BCAS3: variants seen among roughly 807,000 people sequenced by gnomAD.
BCAS3 encodes the protein BCAS4/BCAS3 fusion.
Under a neutral mutation model 116.1 loss-of-function variants are expected in BCAS3, and 53 were observed. The observed-to-expected ratio is 0.46, with a 90% confidence interval of 0.37 to 0.57. The LOEUF is 0.57. BCAS3 is among the 20% of genes least tolerant of loss of function. The pLI, the probability that BCAS3 is intolerant of heterozygous loss-of-function variation, is 0.00. For synonymous variants in BCAS3, 391 were observed against 408.2 expected, an observed-to-expected ratio of 0.96 and a Z score of 0.51; for missense variants, 917 against 1,165.4, an observed-to-expected ratio of 0.79 and a Z score of 3.10.
chr17:61,227,052 G>C lies in BCAS3; in HGVS notation c.2426-141275G>C, dbSNP rs1170540989. Among the ~76,000 whole-genome samples, 2 of 152,184 alleles carry C rather than the reference G, an allele frequency of 1.3e-5. No individual in the cohort carries two copies. The highest frequency in any genetic ancestry group is 4.8e-5 in the African/African-American group (2 of 41,454). ...GTTCCAGGTTGGGGTGTATGAGGTGGTTAACTGTGTGCAACGCCCCTTTCC... is the reference window on the plus strand; with the variant it reads ...GTTCCAGGTTGGGGTGTATGAGGTGCTTAACTGTGTGCAACGCCCCTTTCC... On this transcript the variant is annotated intron_variant, in intron 22 of 23. Transcript: ENST00000407086. The surrounding 1 kb of genome is among the most constrained non-coding windows in gnomAD (Gnocchi z 6.1).
At position 61,034,885 on chromosome 17, in the gene BCAS3, G is replaced by C; in HGVS notation, c.1762+95G>C. 7.9e-7 allele frequency: 1 copy of C among 1,267,694 alleles called. No homozygotes were observed. Among genetic ancestry groups the C allele is most frequent in the East Asian group, 2.5e-5 (1 of 39,910 alleles). The allele number at this position is 1,267,694 out of a possible 1,614,324, so 78.5% of individuals were successfully genotyped here. ...TTTCCCTAGAATAATCTTGTACCCA[G>C]TAGTCTGGAAACCAATTTTTTTAAT... On this transcript the variant is annotated intron_variant, in intron 17 of 23. Coordinates refer to ENST00000407086, the MANE Select transcript of BCAS3 (RefSeq NM_017679.5). The surrounding 1 kb of genome is among the most constrained non-coding windows in gnomAD (Gnocchi z 5.0).
In BCAS3 at chr17:61,001,878, G is replaced by A. The variant is rs1463685015; in HGVS notation, c.1486+11643G>A. On this transcript the variant is annotated intron_variant, in intron 15 of 23. Transcript: ENST00000407086. ...TAACATTTACTATTTTCTCAAGACA[G>A]AGCAGATGAGTTTGTTAGGGAAAGT... Among the ~76,000 whole-genome samples, 8 of 152,186 alleles carry A rather than the reference G, an allele frequency of 5.3e-5. No individual in the cohort carries two copies. In the South Asian group the frequency reaches 1.7e-3, roughly 32 times the overall value.
intron 12 of BCAS3, among the ~76,000 whole-genome samples, chr17:60,921,702 A>T (rs2059111936): frequency 6.7e-6 from 1 of 150,190 alleles, no homozygotes; most frequent in Non-Finnish European, 1.5e-5. Context: ...TAGAGTGGGG[A>T]GGGAGGAAGG....
intron 7 of BCAS3, among the ~76,000 whole-genome samples, chr17:60,829,887 A>G (rs2050762711): frequency 6.6e-6 from 1 of 152,178 alleles, no homozygotes; most frequent in African/African-American, 2.4e-5. Flanking sequence ...TTGGGATTTG[A>G]AATTCTGGAT....
chr17:60,769,936 A>G (rs934644152), intron 6 of BCAS3, among the ~76,000 whole-genome samples: 4 of 151,738 alleles, frequency 2.6e-5, no homozygotes, highest in Admixed American at 6.6e-5. Flanking sequence ...CACCATGCCC[A>G]GCTAATTTTT....
chr17:60,845,237 A>G (rs1273098080), intron 7 of BCAS3, among the ~76,000 whole-genome samples: 2 of 152,350 alleles, frequency 1.3e-5, no homozygotes, highest in South Asian at 4.1e-4. Flanking sequence ...CTCTAAATAA[A>G]TAAATAGATA....
chr17:61,067,900 T>G (rs746965203), intron 19 of BCAS3, among the ~76,000 whole-genome samples: 27 of 152,270 alleles, frequency 1.8e-4, no homozygotes, highest in Admixed American at 3.9e-4. Context: ...TACCTCATAA[T>G]GATCTACTCA....
rs1433363714 is a variant in BCAS3 at position 61,283,214 on chromosome 17, T to C, written c.2426-85113T>C. 2.0e-5 allele frequency among the ~76,000 whole-genome samples: 3 copies of C among 152,162 alleles called. No individual in the cohort carries two copies. The East Asian group carries it at 5.8e-4, about 29-fold the overall frequency. On this transcript the variant is annotated intron_variant, in intron 22 of 23. Coordinates refer to ENST00000407086, the MANE Select transcript of BCAS3 (RefSeq NM_017679.5). ...TTAATACAAAGGTGACCATTTTTAC[T>C]GGAAAAGTACCAATGAATTCAACTA...
chr17:61,235,936 T>A lies in BCAS3; in HGVS notation c.2426-132391T>A, dbSNP rs1261323751. 6.6e-6 allele frequency among the ~76,000 whole-genome samples: 1 copy of A among 152,212 alleles called. No individual in the cohort carries two copies. The highest frequency in any genetic ancestry group is 6.5e-5 in the Admixed American group (1 of 15,280). On this transcript the variant is annotated intron_variant, in intron 22 of 23. Transcript: ENST00000407086. The surrounding 1 kb of genome is among the most constrained non-coding windows in gnomAD (Gnocchi z 5.0). ...TGCTAGCCTGTGCTGTTTTTGAACA[T>A]ACTCAAACAAAGGCTGATTATCCAA... is the stretch of plus-strand genomic sequence containing the variant.
At chr17:60,798,825 C>T (rs568157927) in intron 6 of BCAS3, among the ~76,000 whole-genome samples, 50 of 152,312 alleles carry the variant, frequency 3.3e-4, no homozygotes, top group Admixed American at 7.2e-4. Flanking sequence ...GTGTCACTTG[C>T]GTCCTCTTCA....
intron 23 of BCAS3, among the ~76,000 whole-genome samples, chr17:61,375,218 T>TTGTGTG (rs59961930): frequency 0.33 from 46,832 of 142,492 alleles, 8,820 homozygotes; most frequent in Admixed American, 0.42. Context: ...AAAGCACTAT[T>TTGTGTG]TGTGTGTGTG....
At chr17:60,977,491 TTTATTATTA>T (rs199534358) in intron 14 of BCAS3, among the ~76,000 whole-genome samples, 45 of 149,688 alleles carry the variant, frequency 3.0e-4, no homozygotes, top group South Asian at 1.3e-3. Flanking sequence ...GCACTTTCTT[TTTATTATTA>T]TTATTATTAT....
At chr17:61,331,012 C>G (rs2056234148) in intron 22 of BCAS3, among the ~76,000 whole-genome samples, 1 of 152,232 alleles carries the variant, frequency 6.6e-6, no homozygotes, top group Admixed American at 6.5e-5. Context: ...GCCAGGGGAG[C>G]TGTTGAACAA....
chr17:60,729,315 CTTT>C (rs560082947), intron 5 of BCAS3, among the ~76,000 whole-genome samples: 1 of 109,090 alleles, frequency 9.2e-6, no homozygotes. Flanking sequence ...TATGTGGACT[CTTT>C]TTTTTTTTTT....
chr17:61,267,187 A>G (rs1185359249), intron 22 of BCAS3, among the ~76,000 whole-genome samples: 1 of 151,766 alleles, frequency 6.6e-6, no homozygotes, highest in East Asian at 2.0e-4. Context: ...CCTCCCAAGT[A>G]GCTGGGACTA....
At chr17:60,942,962 C>T (rs931711512) in intron 13 of BCAS3, among the ~76,000 whole-genome samples, 1 of 151,938 alleles carries the variant, frequency 6.6e-6, no homozygotes, top group Admixed American at 6.6e-5. Flanking sequence ...ATCTCTGGAA[C>T]AACCAGTAAA....
intron 14 of BCAS3, among the ~76,000 whole-genome samples, chr17:60,968,929 A>G (rs1229604171): frequency 3.3e-5 from 5 of 151,614 alleles, no homozygotes; most frequent in Non-Finnish European, 7.4e-5. Context: ...CTGCCAGAGC[A>G]CCCAAGATGG....
At position 61,362,692 on chromosome 17, in the gene BCAS3, C is replaced by T. The variant is rs2058516687; in HGVS notation, c.2426-5635C>T. 1 of 152,230 alleles carries T rather than the reference C, an allele frequency of 6.6e-6. No homozygotes were observed. The highest frequency in any genetic ancestry group is 2.4e-5 in the African/African-American group (1 of 41,454). The allele number at this position is 152,230 out of a possible 1,614,324, so 9.4% of individuals were successfully genotyped here. On this transcript the variant is annotated intron_variant, in intron 22 of 23. Coordinates refer to ENST00000407086, the MANE Select transcript of BCAS3 (RefSeq NM_017679.5). This position sits in a 1 kb window ranked among gnomAD's most constrained non-coding sequence, Gnocchi z 4.4. ...TTTCTCCTCTGGGGAAAGAGTATAA[C>T]ACAGGATGCCAAGCTGGGAAGCAGG...
Position 61,088,975 on chromosome 17 carries a change from G to T in BCAS3, c.2425+4411G>T, listed in dbSNP as rs2073308029. 6.6e-6 allele frequency among the ~76,000 whole-genome samples: 1 copy of T among 152,102 alleles called. No individual in the cohort carries two copies. The highest frequency in any genetic ancestry group is 1.5e-5 in the Non-Finnish European group (1 of 67,962). ...GTAGTGTGAGAAGGACAATGTGACA[G>T]ATAAGAAAAATGACTTCTTATCCTG... On this transcript the variant is annotated intron_variant, in intron 22 of 23. Coordinates refer to ENST00000407086, the MANE Select transcript of BCAS3 (RefSeq NM_017679.5). This position sits in a 1 kb window ranked among gnomAD's most constrained non-coding sequence, Gnocchi z 4.2.
Sources: allele counts gnomAD v4.1 joint callset (sites outside exome capture counted in the v4.1 genomes callset), GRCh38; gene constraint gnomAD v4.1.1; non-coding constraint Gnocchi (gnomAD v3.1); transcripts MANE v1.5; gene names NCBI Gene and HGNC (gene_info 2026-07-23, HGNC 2026-07-21).